Variants in ZNF254 observed in about 807,000 individuals in gnomAD.
ZNF254 encodes CTD-2017D11.1.
Under a neutral mutation model 12.4 loss-of-function variants are expected in ZNF254, and 10 were observed. The observed-to-expected ratio is 0.80, with a 90% CI of 0.50 to 1.36. The LOEUF (loss-of-function observed/expected upper bound fraction) is 1.36, where lower values mean the gene tolerates loss of function less well. Among genes scored for constraint, ZNF254 ranks in the 40% most tolerant of loss-of-function variants. The pLI, the probability that ZNF254 is intolerant of heterozygous loss-of-function variation, is 0.00. For synonymous variants in ZNF254, 305 were observed against 253.4 expected, an observed-to-expected ratio of 1.20 and a Z score of -1.93; for missense variants, 996 against 763.9, an observed-to-expected ratio of 1.30 and a Z score of -3.58.
At chr19:24,063,095 C>A (rs1906090469) in intron 2 of ZNF254, among the ~76,000 whole-genome samples, 1 of 152,186 alleles carries the variant, frequency 6.6e-6, no homozygotes, top group African/African-American at 2.4e-5. Context: ...GCCTCCTTGC[C>A]TAGACTAAGG....
intron 2 of ZNF254, among the ~76,000 whole-genome samples, chr19:24,073,136 C>T (rs2145509403): frequency 6.6e-6 from 1 of 152,290 alleles, no homozygotes; most frequent in South Asian, 2.1e-4. Flanking sequence ...CAAGACCAAG[C>T]ACACAGGTGA....
At position 24,126,260 on chromosome 19, in the gene ZNF254, G is replaced by GTCC. The variant is rs775222281; in HGVS notation, c.263_265dup (p.Pro88dup). On this transcript the variant is annotated inframe_insertion, in exon 4 of 4. Transcript: ENST00000357002. ...ATTTTTATTTTTTTTTCAGGTATGT[G>GTCC]TCCTCATTTTGCTCAAGACCTTTGG... The GTCC allele has an allele frequency of 3.4e-6, 5 of 1,477,224 alleles. No homozygotes were observed. The South Asian group carries it at 6.3e-5, about 19-fold the overall frequency. 91.5% of individuals were successfully genotyped at this position (1,477,224 alleles called of 1,614,324 possible).
chr19:24,040,903 C>G (rs965035370), intron 1 of ZNF254, among the ~76,000 whole-genome samples: 2 of 152,218 alleles, frequency 1.3e-5, no homozygotes, highest in African/African-American at 4.8e-5. Flanking sequence ...ACTCTGTGTG[C>G]TATACTTTCT....
chr19:24,071,877 C>A (rs535168352), intron 2 of ZNF254, among the ~76,000 whole-genome samples: 3 of 152,114 alleles, frequency 2.0e-5, no homozygotes, highest in African/African-American at 4.8e-5. Context: ...TAGCAGGGCT[C>A]ATGCAGGAGA....
rs200593487 is a variant in ZNF254 at position 24,127,130 on chromosome 19, G to A, written c.1130G>A (p.Arg377His). 4.7e-5 allele frequency: 75 copies of A among 1,606,422 alleles called. No individual in the cohort carries two copies. Among genetic ancestry groups the A allele is most frequent in the South Asian group, 4.6e-4 (42 of 90,544 alleles). The change falls in exon 4 of 4, where the codon CGC becomes CAC. Residue 377 changes from arginine to histidine, a missense_variant. Transcript: ENST00000357002. ...THKIIHTGEK[R>H]YKCLECGKAF... ...AAGATAATTCATACTGGAGAGAAAC[G>A]CTACAAATGCTTAGAATGTGGCAAA... is the stretch of plus-strand genomic sequence containing the variant.
At chr19:24,058,412 T>TCTTC (rs1970943800) in intron 2 of ZNF254, among the ~76,000 whole-genome samples, 1 of 136,822 alleles carries the variant, frequency 7.3e-6, no homozygotes, top group African/African-American at 2.6e-5. Flanking sequence ...TTTCTTTCTT[T>TCTTC]CTTTTTTTTT....
Position 24,128,368 on chromosome 19 carries a change from A to G in ZNF254, c.*388A>G, listed in dbSNP as rs965891125. 6.0e-6 allele frequency: 1 copy of G among 167,880 alleles called. No homozygotes were observed. The highest frequency in any genetic ancestry group is 1.3e-5 in the Non-Finnish European group (1 of 79,200). The allele number at this position is 167,880 out of a possible 1,614,324, so 10.4% of individuals were successfully genotyped here. On this transcript the variant is annotated 3_prime_UTR_variant, in exon 4 of 4. Transcript: ENST00000357002. ...AATTGTAGAGTTCATAGTAAATAAA[A>G]GCATTAAAATTCTAATTACTCTCAG...
At chr19:24,056,062 GA>G (rs1970841852) in intron 2 of ZNF254, among the ~76,000 whole-genome samples, 1 of 152,162 alleles carries the variant, frequency 6.6e-6, no homozygotes, top group South Asian at 2.1e-4. Context: ...GAACTGAGGG[GA>G]TGTGATTCTA....
intron 1 of ZNF254, among the ~76,000 whole-genome samples, chr19:24,041,740 C>G (rs1274214616): frequency 6.6e-6 from 1 of 151,908 alleles, no homozygotes; most frequent in African/African-American, 2.4e-5. Context: ...ACCTGCAGCC[C>G]CGGTGCGGGA....
chr19:24,045,476 T>C (rs1306144685), intron 1 of ZNF254, among the ~76,000 whole-genome samples: 2 of 151,916 alleles, frequency 1.3e-5, no homozygotes, highest in Non-Finnish European at 2.9e-5. Flanking sequence ...GAGATCATCC[T>C]GGCTAACATG....
chr19:24,102,220 A>G (rs1211209458), intron 1 of ZNF254, among the ~76,000 whole-genome samples: 1 of 141,028 alleles, frequency 7.1e-6, no homozygotes, highest in African/African-American at 2.8e-5. Context: ...ATATTAATAA[A>G]CAAAATTTGT....
intron 2 of ZNF254, chr19:24,065,928 A>C (rs901421714): frequency 6.6e-6 from 1 of 151,986 alleles, no homozygotes; most frequent in African/African-American, 2.4e-5. Flanking sequence ...TCATCATGGT[A>C]ATGTTACTCT....
chr19:24,045,930 T>G (rs1472298433), intron 1 of ZNF254, among the ~76,000 whole-genome samples: 2 of 152,082 alleles, frequency 1.3e-5, no homozygotes, highest in Non-Finnish European at 2.9e-5. Flanking sequence ...AGTTTGTTGA[T>G]GTAGAAAAAA....
chr19:24,110,848 A>G (rs1973627933), intron 3 of ZNF254, among the ~76,000 whole-genome samples: 1 of 152,004 alleles, frequency 6.6e-6, no homozygotes, highest in Non-Finnish European at 1.5e-5. Context: ...TTTAAAAGTG[A>G]CAAGATTTTT....
intron 3 of ZNF254, among the ~76,000 whole-genome samples, chr19:24,123,283 G>A (rs1974610238): frequency 1.3e-5 from 2 of 152,084 alleles, no homozygotes; most frequent in African/African-American, 2.4e-5. Flanking sequence ...GTTCATAGAA[G>A]TTTACTTTTA....
In ZNF254 at chr19:24,126,920, C is replaced by T. The variant is rs994460390; in HGVS notation, c.920C>T (p.Ser307Leu). The part of the protein sequence containing the change: ...EECGKAFIWS[S>L]TLTEHKKIHT... ...TGTGGCAAAGCATTTATCTGGTCCT[C>T]AACCCTTACTGAGCATAAGAAAATT... is the stretch of plus-strand genomic sequence containing the variant. The change falls in exon 4 of 4, where the codon TCA becomes TTA. Residue 307 changes from serine (S) to leucine (L), a missense_variant. Physicochemically the swap from Ser to Leu is moderately radical, Grantham distance 145 (BLOSUM62 -2). Coordinates refer to ENST00000357002, the MANE Select transcript of ZNF254 (RefSeq NM_203282.4). The T allele has an allele frequency of 1.4e-5, 22 of 1,613,396 alleles. No homozygotes were observed. Among genetic ancestry groups the T allele is most frequent in the African/African-American group, 5.3e-5 (4 of 74,830 alleles).
At chr19:24,047,930 G>A (rs1406288954) in intron 2 of ZNF254, among the ~76,000 whole-genome samples, 3 of 148,564 alleles carry the variant, frequency 2.0e-5, no homozygotes, top group South Asian at 4.2e-4. Context: ...CAGGTGATCT[G>A]CCCACCTTAG....
chr19:24,101,987 A>G (rs1318413823), intron 1 of ZNF254, among the ~76,000 whole-genome samples: 1 of 152,216 alleles, frequency 6.6e-6, no homozygotes, highest in Non-Finnish European at 1.5e-5. Flanking sequence ...CTGCAGACTC[A>G]AAGAGATAAA....
chr19:24,097,801 A>ATAAAATAAAATAAAG (rs1311998195), intron 1 of ZNF254, among the ~76,000 whole-genome samples: 2 of 150,980 alleles, frequency 1.3e-5, no homozygotes, highest in Non-Finnish European at 3.0e-5. Flanking sequence ...ATAAAATAAA[A>ATAAAATAAAATAAAG]TAAAATAAAA....
Sources: allele counts gnomAD v4.1 joint callset (sites outside exome capture counted in the v4.1 genomes callset), GRCh38; gene constraint gnomAD v4.1.1; transcripts MANE v1.5; gene names NCBI Gene and HGNC (gene_info 2026-07-23, HGNC 2026-07-21).